Variants in LDLRAD3 observed in about 807,000 individuals in gnomAD.
LDLRAD3 encodes low density lipoprotein receptor class A domain containing 3, also known as low-density lipoprotein receptor class A domain-containing protein 3.
LDLRAD3 carries 20 observed loss-of-function variants against 29.4 expected under a neutral mutation model. The observed-to-expected ratio is 0.68, with a 90% CI of 0.48 to 0.99. The LOEUF (loss-of-function observed/expected upper bound fraction) is 0.99, where lower values mean the gene tolerates loss of function less well. Ranked by LOEUF, LDLRAD3 falls within the 50% of genes least tolerant of loss-of-function variation. LDLRAD3 has a pLI of 0.00. For missense variants in LDLRAD3, 420 were observed against 454.3 expected (o/e 0.92, Z 0.69); for synonymous variants, 157 against 192.7 (o/e 0.81, Z 1.53).
At chr11:36,061,473 A>G (rs1025274654) in intron 2 of LDLRAD3, among the ~76,000 whole-genome samples, 7 of 152,130 alleles carry the variant, frequency 4.6e-5, no homozygotes, top group African/African-American at 1.7e-4. Context: ...GGTACCTGGC[A>G]TAGTGGAGGT....
At position 36,145,323 on chromosome 11, in the gene LDLRAD3, C is replaced by A; in HGVS notation, c.454+46862C>A. Among the ~76,000 whole-genome samples, 2 of 97,806 alleles carry A rather than the reference C, an allele frequency of 2.0e-5. 1 individual carries two copies. Among genetic ancestry groups the A allele is most frequent in the African/African-American group, 9.7e-5 (2 of 20,628 alleles). 64.2% of individuals were successfully genotyped at this position (97,806 alleles called of 152,430 possible). On this transcript the variant is annotated intron_variant, in intron 4 of 5. Coordinates refer to ENST00000315571, the MANE Select transcript of LDLRAD3 (RefSeq NM_174902.4). ...GTGAGGGGTGCCTCTGCCCGGCCAC[C>A]CCTACTGGGAAGTGAGGAGCCCCTC...
At chr11:36,119,220 A>G (rs1853717934) in intron 4 of LDLRAD3, among the ~76,000 whole-genome samples, 1 of 152,230 alleles carries the variant, frequency 6.6e-6, no homozygotes, top group South Asian at 2.1e-4. Flanking sequence ...AGTATGTATC[A>G]GCTTCTGGAT....
At chr11:36,078,343 G>A (rs1330801340) in intron 2 of LDLRAD3, among the ~76,000 whole-genome samples, 1 of 152,184 alleles carries the variant, frequency 6.6e-6, no homozygotes, top group Admixed American at 6.5e-5. Flanking sequence ...GTACCAACGG[G>A]CACCTGCAGG....
rs927703809 is a variant in LDLRAD3 at position 36,213,473 on chromosome 11, C to T, written c.455-13612C>T. On this transcript the variant is annotated intron_variant, in intron 4 of 5. Transcript: ENST00000315571. This position sits in a 1 kb window ranked among gnomAD's most constrained non-coding sequence, Gnocchi z 4.1. ...TGGAATAGGGATCCGCAAAGGCGCT[C>T]CAGCCCCATGGGATGCTTTTTTTAG... is the stretch of plus-strand genomic sequence containing the variant. Among the ~76,000 whole-genome samples, 5 of 152,234 alleles carry T rather than the reference C, an allele frequency of 3.3e-5. No individual in the cohort carries two copies. In the East Asian group the frequency reaches 9.6e-4, roughly 29 times the overall value.
chr11:36,075,086 T>G (rs1852974813), intron 2 of LDLRAD3, among the ~76,000 whole-genome samples: 1 of 152,162 alleles, frequency 6.6e-6, no homozygotes, highest in South Asian at 2.1e-4. Flanking sequence ...GTTTTTCTGC[T>G]GGAAGTCTGG....
At chr11:36,223,238 A>G (rs186722839) in intron 4 of LDLRAD3, among the ~76,000 whole-genome samples, 596 of 152,336 alleles carry the variant, frequency 3.9e-3, no homozygotes, top group Admixed American at 8.0e-3. Context: ...CAAAGTGAAG[A>G]GAGGTCTGAA....
chr11:36,054,840 A>AATGGATGGATGG (rs201580069), intron 2 of LDLRAD3, among the ~76,000 whole-genome samples: 12,549 of 133,566 alleles, frequency 0.094, 678 homozygotes, highest in Admixed American at 0.15. Flanking sequence ...TGGATGGATG[A>AATGGATGGATGG]ATGGATGGAT....
At chr11:36,016,621 G>T (rs942265249) in intron 1 of LDLRAD3, among the ~76,000 whole-genome samples, 2 of 152,142 alleles carry the variant, frequency 1.3e-5, no homozygotes, top group African/African-American at 4.8e-5. Context: ...TTAAGCAATT[G>T]GTTCTGAAGA....
At chr11:36,087,687 G>C (rs1565213415) in intron 3 of LDLRAD3, among the ~76,000 whole-genome samples, 1 of 152,022 alleles carries the variant, frequency 6.6e-6, no homozygotes, top group Admixed American at 6.6e-5. Flanking sequence ...ACTCAGGAGT[G>C]AGGATAAGCA....
intron 1 of LDLRAD3, among the ~76,000 whole-genome samples, chr11:35,948,122 A>T (rs1196964039): frequency 1.3e-5 from 2 of 152,102 alleles, no homozygotes; most frequent in Non-Finnish European, 2.9e-5. Flanking sequence ...TTGTAGTTAC[A>T]TGGGGGTTCG....
intron 1 of LDLRAD3, among the ~76,000 whole-genome samples, chr11:36,024,001 A>T (rs958739441): frequency 2.6e-5 from 4 of 152,194 alleles, no homozygotes; most frequent in South Asian, 4.1e-4. Context: ...GAGGTCTTTA[A>T]CTGTGTCCTT....
chr11:35,977,498 T>A (rs1206908085), intron 1 of LDLRAD3, among the ~76,000 whole-genome samples: 1 of 152,158 alleles, frequency 6.6e-6, no homozygotes, highest in Non-Finnish European at 1.5e-5. Flanking sequence ...TCCAGAATTT[T>A]ACTTCTGAAA....
rs149174679 is a variant in LDLRAD3 at position 36,220,086 on chromosome 11, T to A, written c.455-6999T>A. Among the ~76,000 whole-genome samples, 142 of 152,298 alleles carry A rather than the reference T, an allele frequency of 9.3e-4. 1 individual carries two copies. In the East Asian group the frequency reaches 0.025, roughly 27 times the overall value. On this transcript the variant is annotated intron_variant, in intron 4 of 5. Transcript: ENST00000315571. ...GAACAGATGCTCACATCATTAGTCATTAGGAAATGCTAATTAAAACCTCAA... is the reference window on the plus strand; with the variant it reads ...GAACAGATGCTCACATCATTAGTCAATAGGAAATGCTAATTAAAACCTCAA...
intron 4 of LDLRAD3, among the ~76,000 whole-genome samples, chr11:36,129,577 C>T (rs1853894670): frequency 1.3e-5 from 2 of 152,174 alleles, no homozygotes; most frequent in African/African-American, 4.8e-5. Flanking sequence ...GTGCCAGGTC[C>T]CTTCCCGGGA....
chr11:36,005,873 G>A (rs567835267), intron 1 of LDLRAD3, among the ~76,000 whole-genome samples: 32 of 152,242 alleles, frequency 2.1e-4, no homozygotes, highest in Non-Finnish European at 4.4e-4. Flanking sequence ...GAGAGAGCGC[G>A]AAGGGGGAAG....
intron 2 of LDLRAD3, among the ~76,000 whole-genome samples, chr11:36,059,527 C>T (rs1852667815): frequency 2.0e-5 from 3 of 152,254 alleles, no homozygotes; most frequent in Non-Finnish European, 4.4e-5. Context: ...CACTCTGCTT[C>T]AGCCCCACTC....
intron 1 of LDLRAD3, among the ~76,000 whole-genome samples, chr11:35,999,440 G>T (rs1399121714): frequency 1.3e-5 from 2 of 152,098 alleles, no homozygotes; most frequent in African/African-American, 4.8e-5. Flanking sequence ...CCAGGGGCCT[G>T]GCTGCAGCCA....
intron 1 of LDLRAD3, among the ~76,000 whole-genome samples, chr11:35,949,678 G>A (rs1266711135): frequency 2.0e-5 from 3 of 152,126 alleles, no homozygotes; most frequent in African/African-American, 2.4e-5. Context: ...GTTCCTTTAA[G>A]ACACTTTTCC....
intron 4 of LDLRAD3, among the ~76,000 whole-genome samples, chr11:36,146,932 G>A (rs982647861): frequency 6.6e-6 from 1 of 151,462 alleles, no homozygotes; most frequent in African/African-American, 2.4e-5. Context: ...TGAGACTACA[G>A]ATGCATACTG....
Sources: allele counts gnomAD v4.1 joint callset (sites outside exome capture counted in the v4.1 genomes callset), GRCh38; gene constraint gnomAD v4.1.1; non-coding constraint Gnocchi (gnomAD v3.1); transcripts MANE v1.5; gene names NCBI Gene and HGNC (gene_info 2026-07-23, HGNC 2026-07-21).